Variants in RXYLT1 observed in about 807,000 individuals in gnomAD.
The protein encoded by RXYLT1 is ribitol-5-phosphate xylosyltransferase 1.
A neutral mutation model predicts 43.5 loss-of-function variants in RXYLT1; 41 were observed. That is an observed-to-expected ratio of 0.94 (90% CI 0.73 to 1.22). The LOEUF is 1.22. RXYLT1 is among the 50% of genes most tolerant of loss of function. The pLI is 0.00. For missense variants in RXYLT1, 514 were observed against 532.0 expected, an observed-to-expected ratio of 0.97 and a Z score of 0.33; for synonymous variants, 166 against 194.4, an observed-to-expected ratio of 0.85 and a Z score of 1.21.
intron 5 of RXYLT1, chr12:63,806,106 A>G (rs1438917484): frequency 2.0e-5 from 3 of 152,228 alleles, no homozygotes; most frequent in Non-Finnish European, 4.4e-5. Context: ...TAGGTCTGGA[A>G]TTTTACTTTT....
intron 3 of RXYLT1, among the ~76,000 whole-genome samples, chr12:63,788,143 T>C (rs1897847092): frequency 6.6e-6 from 1 of 152,246 alleles, no homozygotes; most frequent in African/African-American, 2.4e-5. Context: ...GCTTAAAATA[T>C]TCAGTAAACC....
Position 63,808,978 on chromosome 12 carries a change from A to C in RXYLT1, c.1218A>C (p.Glu406Asp), listed in dbSNP as rs544946259. 1.2e-6 allele frequency: 2 copies of C among 1,612,756 alleles called. No individual in the cohort carries two copies. Among genetic ancestry groups the C allele is most frequent in the Non-Finnish European group, 8.5e-7 (1 of 1,179,520 alleles). The change falls in exon 6 of 6, where the codon GAA becomes GAC. Residue 406 changes from glutamate (E) to aspartate (D), a missense_variant. By Grantham distance (45) the Glu-to-Asp change is conservative (BLOSUM62 2). Transcript: ENST00000261234. ...AAGAGAAAACTATAATTTTACAAGA[A>C]AAAATTGAAAGAAGAAAAATGTTAC... is the stretch of plus-strand genomic sequence containing the variant. The part of the protein sequence containing the change: ...LEKEKTIILQ[E>D]KIERRKMLLQ...
At chr12:63,784,400 A>G (rs1897755488) in intron 2 of RXYLT1, among the ~76,000 whole-genome samples, 1 of 152,180 alleles carries the variant, frequency 6.6e-6, no homozygotes, top group Non-Finnish European at 1.5e-5. Context: ...TTCAGGTGAA[A>G]TCATGATAAA....
In RXYLT1 at chr12:63,802,307, CAAAA is replaced by C; in HGVS notation, c.646_649del (p.Lys216GlufsTer11). 6.2e-7 allele frequency: 1 copy of C among 1,613,462 alleles called. No individual in the cohort carries two copies. Among genetic ancestry groups the C allele is most frequent in the Non-Finnish European group, 8.5e-7 (1 of 1,179,460 alleles). On this transcript the variant is annotated frameshift_variant, in exon 4 of 6. Transcript: ENST00000261234. LOFTEE classifies it high-confidence loss of function. Reference sequence around the variant, plus strand: ...ATAATGAGTGGATAAACCCATTCCTCAAAAGAAATGGAGGCTTCGTGGAGCTGCT... The same window carrying C: ...ATAATGAGTGGATAAACCCATTCCTCGAAATGGAGGCTTCGTGGAGCTGCT...
At chr12:63,780,410 A>C in intron 1 of RXYLT1, 1 of 1,247,110 alleles carries the variant, frequency 8.0e-7, no homozygotes, top group Non-Finnish European at 1.0e-6. Flanking sequence ...ACGTCGTCTC[A>C]AATGCCAGAG....
At chr12:63,805,978 T>C (rs990497076) in intron 5 of RXYLT1, 4 of 152,242 alleles carry the variant, frequency 2.6e-5, no homozygotes, top group African/African-American at 9.6e-5. Flanking sequence ...GTGTTCATGT[T>C]GTGAAGGAAG....
chr12:63,782,455 G>A (rs56221188), intron 2 of RXYLT1: 382 of 453,000 alleles, frequency 8.4e-4, no homozygotes, highest in Non-Finnish European at 1.6e-3. Context: ...TTGCAGCTTC[G>A]TAATTTTATC....
At chr12:63,793,897 A>C (rs1592847915) in intron 3 of RXYLT1, among the ~76,000 whole-genome samples, 1 of 152,252 alleles carries the variant, frequency 6.6e-6, no homozygotes, top group East Asian at 1.9e-4. Flanking sequence ...ATACATAAAA[A>C]TTAGAACATC....
intron 4 of RXYLT1, chr12:63,803,682 A>G (rs916678394): frequency 6.6e-6 from 1 of 151,988 alleles, no homozygotes; most frequent in Non-Finnish European, 1.5e-5. Context: ...TTAAAAATCT[A>G]TTTTTTGAGC....
At chr12:63,782,306 A>G (rs1355420538) in intron 2 of RXYLT1, among the ~76,000 whole-genome samples, 2 of 152,222 alleles carry the variant, frequency 1.3e-5, no homozygotes, top group East Asian at 3.8e-4. Context: ...TTGAAATCTA[A>G]ATTTCATCTA....
intron 3 of RXYLT1, among the ~76,000 whole-genome samples, chr12:63,794,802 A>G (rs1168110995): frequency 6.6e-6 from 1 of 152,114 alleles, no homozygotes; most frequent in African/African-American, 2.4e-5. Flanking sequence ...ATTTAAAAAA[A>G]AAATTAAAAA....
chr12:63,804,190 G>A (rs781352232), intron 4 of RXYLT1: 2 of 152,232 alleles, frequency 1.3e-5, no homozygotes, highest in Non-Finnish European at 2.9e-5. Flanking sequence ...GAGGAAAGAG[G>A]TTGTCACAAC....
At chr12:63,780,158 G>C (rs1461773359) in intron 1 of RXYLT1, 29 bp downstream of exon 1, 1 of 1,435,160 alleles carries the variant, frequency 7.0e-7, no homozygotes, top group South Asian at 1.5e-5. Flanking sequence ...CTTCCTTCCG[G>C]CTCTGCGCTC....
chr12:63,784,965 A>C lies in RXYLT1; in HGVS notation c.326-5A>C. ...TTTGATTTTGTTTTTGTTGTTAATT[A>C]CCAGGCTTGTATCTCTGGGAGCATA... is the stretch of plus-strand genomic sequence containing the variant. On this transcript the variant is annotated splice_polypyrimidine_tract_variant and splice_region_variant and intron_variant, in intron 2 of 5. Transcript: ENST00000261234. The C allele has an allele frequency of 1.9e-6, 3 of 1,611,736 alleles. No homozygotes were observed. The highest frequency in any genetic ancestry group is 2.5e-6 in the Non-Finnish European group (3 of 1,178,710).
chr12:63,809,267 T>C lies in RXYLT1; in HGVS notation c.*175T>C. On this transcript the variant is annotated 3_prime_UTR_variant, in exon 6 of 6. Transcript: ENST00000261234. ...TGGTAGACTACATATATGATAGTGGTCCCATAAGATTATAATGGAGCTGAA... is the reference window on the plus strand; with the variant it reads ...TGGTAGACTACATATATGATAGTGGCCCCATAAGATTATAATGGAGCTGAA... 1.9e-6 allele frequency: 1 copy of C among 514,898 alleles called. No homozygotes were observed. Among genetic ancestry groups the C allele is most frequent in the Non-Finnish European group, 3.3e-6 (1 of 301,260 alleles). The allele number at this position is 514,898 out of a possible 1,614,324, so 31.9% of individuals were successfully genotyped here. A position where few individuals can be genotyped will look rare whatever the true frequency, so the allele number is the denominator to read the frequency against.
rs944677193 is a variant in RXYLT1 at position 63,780,145 on chromosome 12, C to T, written c.169+16C>T. 5.5e-6 allele frequency: 8 copies of T among 1,457,234 alleles called. No individual in the cohort carries two copies. The highest frequency in any genetic ancestry group is 7.2e-6 in the Non-Finnish European group (8 of 1,118,058). 90.3% of individuals were successfully genotyped at this position (1,457,234 alleles called of 1,614,324 possible). A position where few individuals can be genotyped will look rare whatever the true frequency, so the allele number is the denominator to read the frequency against. On this transcript the variant is annotated intron_variant, in intron 1 of 5. Coordinates refer to ENST00000261234, the MANE Select transcript of RXYLT1 (RefSeq NM_014254.3). Reference sequence around the variant, plus strand: ...CGCGGCCGAGGTAGGACTGGGTCGGCGGCTTCCTTCCGGCTCTGCGCTCCT... The same window carrying T: ...CGCGGCCGAGGTAGGACTGGGTCGGTGGCTTCCTTCCGGCTCTGCGCTCCT...
chr12:63,796,169 T>C (rs1043618949), intron 3 of RXYLT1, among the ~76,000 whole-genome samples: 1 of 152,238 alleles, frequency 6.6e-6, no homozygotes, highest in Non-Finnish European at 1.5e-5. Flanking sequence ...TTGTGACTTA[T>C]GAAGAGTACT....
At chr12:63,797,062 C>G (rs1898051346) in intron 3 of RXYLT1, among the ~76,000 whole-genome samples, 1 of 149,052 alleles carries the variant, frequency 6.7e-6, no homozygotes, top group South Asian at 2.1e-4. Context: ...CTCCTAGGTT[C>G]AAGCAATTCT....
At position 63,785,031 on chromosome 12, in the gene RXYLT1, A is replaced by G. The variant is rs199830732; in HGVS notation, c.387A>G (p.Gln129=). ...GLLDPSDVTA[Q]WREGKSIVGR... ...TTGATCCCAGCGATGTGACTGCTCA[A>G]TGGAGAGAAGGAAAGTCAATCGTAG... Residue 129 remains glutamine, a synonymous_variant, in exon 3 of 6, where the codon CAA becomes CAG. Coordinates refer to ENST00000261234, the MANE Select transcript of RXYLT1 (RefSeq NM_014254.3). 1.2e-5 allele frequency: 20 copies of G among 1,613,984 alleles called. No individual in the cohort carries two copies. The highest frequency in any genetic ancestry group is 6.7e-5 in the African/African-American group (5 of 75,068).
Sources: allele counts gnomAD v4.1 joint callset (sites outside exome capture counted in the v4.1 genomes callset), GRCh38; gene constraint gnomAD v4.1.1; transcripts MANE v1.5; gene names NCBI Gene and HGNC (gene_info 2026-07-23, HGNC 2026-07-21).